The following DNAAF11 variants were observed in gnomAD, a reference collection of about 807,000 sequenced individuals.
The protein encoded by DNAAF11 is leucine rich repeat containing 6.
A neutral mutation model predicts 60.8 loss-of-function variants in DNAAF11; 45 were observed. That is an observed-to-expected ratio of 0.74 (90% CI 0.58 to 0.95). The LOEUF (loss-of-function observed/expected upper bound fraction) is 0.95, where lower values mean the gene tolerates loss of function less well. Ranked by LOEUF, DNAAF11 falls within the 40% of genes least tolerant of loss-of-function variation. DNAAF11 has a pLI of 0.00. For synonymous variants in DNAAF11, 191 were observed against 183.5 expected, an observed-to-expected ratio of 1.04 and a Z score of -0.33; for missense variants, 546 against 546.2, an observed-to-expected ratio of 1.00 and a Z score of 0.00.
At chr8:132,678,889 C>G (rs1825826067), upstream of DNAAF11, among the ~76,000 whole-genome samples, 1 of 151,854 alleles carries the variant, frequency 6.6e-6, no homozygotes, top group Non-Finnish European at 1.5e-5. Flanking sequence ...TTGGATTTTT[C>G]CTGTGAAATT....
At chr8:132,583,439 G>A (rs1563971910) in intron 11 of DNAAF11, among the ~76,000 whole-genome samples, 1 of 152,152 alleles carries the variant, frequency 6.6e-6, no homozygotes, top group Non-Finnish European at 1.5e-5. Flanking sequence ...AATGTTAGCT[G>A]TCATTGGTGT....
At chr8:132,684,340 A>G in the DNAAF11 span, among the ~76,000 whole-genome samples, 2 of 152,198 alleles carry the variant, frequency 1.3e-5, no homozygotes, top group Admixed American at 6.5e-5. Context: ...TCCTAGCACC[A>G]ATGTTTGATC....
chr8:132,662,867 T>C (rs1218224307), intron 1 of DNAAF11, among the ~76,000 whole-genome samples: 1 of 152,220 alleles, frequency 6.6e-6, no homozygotes. Context: ...ACCACACCTC[T>C]ATGTCACATC....
intron 11 of DNAAF11, among the ~76,000 whole-genome samples, chr8:132,577,342 T>C (rs991291398): frequency 6.6e-6 from 1 of 152,226 alleles, no homozygotes; most frequent in Admixed American, 6.5e-5. Context: ...TCCAGAATAA[T>C]TGTTATTTGA....
In DNAAF11 at chr8:132,572,167, A is replaced by G. The variant is rs567702900; in HGVS notation, c.*139T>C. 1.9e-5 allele frequency: 12 copies of G among 644,286 alleles called. No individual in the cohort carries two copies. In the Admixed American group the frequency reaches 3.3e-4, roughly 18 times the overall value. 39.9% of individuals were successfully genotyped at this position (644,286 alleles called of 1,614,324 possible). A position where few individuals can be genotyped will look rare whatever the true frequency, so the allele number is the denominator to read the frequency against. ...AGCTATCTTAAGGATATTACTATGC[A>G]AAGTAAGAGTTAAAACACTGGAGCA... On this transcript the variant is annotated 3_prime_UTR_variant, in exon 12 of 12. Coordinates refer to ENST00000620350, the MANE Select transcript of DNAAF11 (RefSeq NM_012472.6).
At chr8:132,599,568 T>G (rs907266628) in intron 10 of DNAAF11, among the ~76,000 whole-genome samples, 9 of 152,108 alleles carry the variant, frequency 5.9e-5, no homozygotes, top group African/African-American at 2.2e-4. Context: ...TCAAAAAGCT[T>G]ATCCACCATG....
the DNAAF11 span, among the ~76,000 whole-genome samples, chr8:132,682,830 G>A: frequency 6.6e-6 from 1 of 152,340 alleles, no homozygotes. Context: ...TCCACTCATG[G>A]CAGAAGATGA....
At position 132,670,847 on chromosome 8, in the gene DNAAF11, A is replaced by G. The variant is rs529633437; in HGVS notation, c.10+4637T>C. 3.9e-5 allele frequency among the ~76,000 whole-genome samples: 6 copies of G among 152,350 alleles called. No individual in the cohort carries two copies. The East Asian group carries it at 5.8e-4, about 15-fold the overall frequency. ...TAACATACAATATTAATAAACTAAC[A>G]AAGTGATAATGTCAGTAGAGACAAA... On this transcript the variant is annotated intron_variant, in intron 1 of 11. Transcript: ENST00000620350.
chr8:132,667,372 A>G (rs961933161), intron 1 of DNAAF11, among the ~76,000 whole-genome samples: 1 of 152,212 alleles, frequency 6.6e-6, no homozygotes, highest in Non-Finnish European at 1.5e-5. Flanking sequence ...TGCCTGGTAT[A>G]CAGTCATTGG....
At chr8:132,602,784 A>G (rs2129766545) in intron 10 of DNAAF11, among the ~76,000 whole-genome samples, 1 of 151,092 alleles carries the variant, frequency 6.6e-6, no homozygotes, top group East Asian at 1.9e-4. Flanking sequence ...CAGCACACAT[A>G]CATACATATG....
At chr8:132,597,359 C>T (rs773871535) in intron 10 of DNAAF11, among the ~76,000 whole-genome samples, 12 of 152,022 alleles carry the variant, frequency 7.9e-5, no homozygotes, top group Admixed American at 5.9e-4. Flanking sequence ...AGCCTCACCT[C>T]GCAACGGGAG....
intron 7 of DNAAF11, among the ~76,000 whole-genome samples, chr8:132,617,467 T>C (rs554431624): frequency 2.0e-5 from 3 of 152,332 alleles, no homozygotes; most frequent in Non-Finnish European, 2.9e-5. Context: ...TGTATAAGAA[T>C]GCTTGTGATT....
At chr8:132,617,422 G>A (rs1272063054) in intron 7 of DNAAF11, among the ~76,000 whole-genome samples, 2 of 152,172 alleles carry the variant, frequency 1.3e-5, no homozygotes, top group African/African-American at 2.4e-5. Flanking sequence ...GTGAATGGGA[G>A]TTCACTCATG....
In DNAAF11 at chr8:132,659,989, A is replaced by G. The variant is rs150367288; in HGVS notation, c.178+1471T>C. Among the ~76,000 whole-genome samples the G allele has an allele frequency of 8.0e-4, 122 of 152,258 alleles. 2 individuals are homozygous for G. The highest frequency in any genetic ancestry group is 2.7e-3 in the African/African-American group (113 of 41,558). ...ATGCCCCTGTTGTGAACCACTGCAC[A>G]TCATCACGGGAAGTTAAATATGATC... On this transcript the variant is annotated intron_variant, in intron 2 of 11. Coordinates refer to ENST00000620350, the MANE Select transcript of DNAAF11 (RefSeq NM_012472.6).
intron 7 of DNAAF11, among the ~76,000 whole-genome samples, chr8:132,617,655 C>T (rs1819311188): frequency 6.6e-6 from 1 of 152,130 alleles, no homozygotes; most frequent in African/African-American, 2.4e-5. Context: ...ACTTCCAACA[C>T]TATGTTGAAT....
the DNAAF11 span, among the ~76,000 whole-genome samples, chr8:132,688,655 G>A: frequency 6.6e-6 from 1 of 152,168 alleles, no homozygotes; most frequent in Non-Finnish European, 1.5e-5. Context: ...CACTGAAGTA[G>A]AGAAGCCTGC....
chr8:132,625,426 G>C lies in DNAAF11; in HGVS notation c.682C>G (p.Gln228Glu). 6.2e-7 allele frequency: 1 copy of C among 1,611,040 alleles called. No homozygotes were observed. Among genetic ancestry groups the C allele is most frequent in the Non-Finnish European group, 8.5e-7 (1 of 1,178,838 alleles). Residue 228 changes from glutamine to glutamate, a missense_variant, in exon 6 of 12, where the codon CAG becomes GAG. Coordinates refer to ENST00000620350, the MANE Select transcript of DNAAF11 (RefSeq NM_012472.6). ...TTGTGTTCCTCTGTGTCTGGTGCCTGTAGGTGGTCTTTGCTCTCTAAAGAG... is the reference window on the plus strand; with the variant it reads ...TTGTGTTCCTCTGTGTCTGGTGCCTCTAGGTGGTCTTTGCTCTCTAAAGAG... ...LSSLESKDHLQAPDTEEHNTK... is the reference protein window; with the variant it reads ...LSSLESKDHLEAPDTEEHNTK...
intron 9 of DNAAF11, 93 bp from the exon 10 acceptor site, chr8:132,610,354 C>A: frequency 1.3e-6 from 1 of 768,092 alleles, no homozygotes. Flanking sequence ...ATTCAAGATA[C>A]ACCATTCAAT....
At chr8:132,664,849 A>C (rs1586736452) in intron 1 of DNAAF11, among the ~76,000 whole-genome samples, 1 of 152,294 alleles carries the variant, frequency 6.6e-6, no homozygotes, top group African/African-American at 2.4e-5. Flanking sequence ...AAGGCATGTA[A>C]GTATTAGGAA....
Sources: allele counts gnomAD v4.1 joint callset (sites outside exome capture counted in the v4.1 genomes callset), GRCh38; gene constraint gnomAD v4.1.1; transcripts MANE v1.5; gene names NCBI Gene and HGNC (gene_info 2026-07-23, HGNC 2026-07-21).